Variants in HIVEP3 observed in about 807,000 individuals in gnomAD.
The protein encoded by HIVEP3 is HIVEP zinc finger 3.
A neutral mutation model predicts 152.8 loss-of-function variants in HIVEP3; 49 were observed. That is an observed-to-expected ratio of 0.32 (90% CI 0.26 to 0.41). The LOEUF is 0.41. HIVEP3 is among the 10% of genes least tolerant of loss of function. The pLI is 1.00. For synonymous variants in HIVEP3, 1,269 were observed against 1,289.0 expected (o/e 0.98, Z 0.33); for missense variants, 2,790 against 3,103.3 (o/e 0.90, Z 2.40).
chr1:41,978,037 T>A (rs1645270091), intron 1 of HIVEP3, among the ~76,000 whole-genome samples: 1 of 152,242 alleles, frequency 6.6e-6, no homozygotes, highest in African/African-American at 2.4e-5. Context: ...AGAAACTGTG[T>A]CTGCCAATAC....
chr1:42,032,657 C>G (rs572056302), intron 1 of HIVEP3, among the ~76,000 whole-genome samples: 115 of 152,254 alleles, frequency 7.6e-4, no homozygotes, highest in African/African-American at 2.6e-3. Context: ...CCCCCTCCCC[C>G]ACCATTCCCC....
intron 2 of HIVEP3, among the ~76,000 whole-genome samples, chr1:41,661,376 A>G (rs1455939180): frequency 6.6e-6 from 1 of 152,222 alleles, no homozygotes; most frequent in Admixed American, 6.5e-5. Flanking sequence ...CTGAAGCCCA[A>G]GCACCCTGCT....
At chr1:41,897,238 T>C (rs1361242994) in intron 1 of HIVEP3, among the ~76,000 whole-genome samples, 1 of 152,144 alleles carries the variant, frequency 6.6e-6, no homozygotes, top group Non-Finnish European at 1.5e-5. Context: ...TAAATTGGCC[T>C]AACAGGATTC....
chr1:41,827,897 T>G (rs1455111977), intron 1 of HIVEP3, among the ~76,000 whole-genome samples: 2 of 151,030 alleles, frequency 1.3e-5, no homozygotes, highest in Non-Finnish European at 3.0e-5. Context: ...AGAGAGTCAA[T>G]AGAGGAGGAC....
At chr1:41,850,637 G>T (rs1397813449) in intron 1 of HIVEP3, among the ~76,000 whole-genome samples, 1 of 152,150 alleles carries the variant, frequency 6.6e-6, no homozygotes, top group Non-Finnish European at 1.5e-5. Context: ...CCTCCATGCC[G>T]AAGCACTCAG....
chr1:41,559,111 G>A (rs1267635809), intron 5 of HIVEP3, among the ~76,000 whole-genome samples: 16 of 151,926 alleles, frequency 1.1e-4, no homozygotes, highest in Admixed American at 8.5e-4. Context: ...CCAAAATTCC[G>A]CTTGGAGCTT....
intron 1 of HIVEP3, among the ~76,000 whole-genome samples, chr1:41,813,142 G>A (rs1161478811): frequency 2.0e-5 from 3 of 152,132 alleles, no homozygotes; most frequent in African/African-American, 7.2e-5. Flanking sequence ...AAGTTCAAGC[G>A]ATTCTTCTGC....
intron 1 of HIVEP3, among the ~76,000 whole-genome samples, chr1:41,944,922 T>C (rs994405924): frequency 6.6e-6 from 1 of 152,136 alleles, no homozygotes; most frequent in Admixed American, 6.5e-5. Context: ...CCTCAGACGC[T>C]AAGAAAGAAA....
Position 41,703,686 on chromosome 1 carries a change from T to C in HIVEP3, c.-800-2691A>G, listed in dbSNP as rs143936636. On this transcript the variant is annotated intron_variant, in intron 1 of 8. Coordinates refer to ENST00000372583, the MANE Select transcript of HIVEP3 (RefSeq NM_024503.5). Reference sequence around the variant, plus strand: ...TGCACCTAGCATAAGACCCAACACATAAAAAATCCCTAATAAATATTTATT... The same window carrying C: ...TGCACCTAGCATAAGACCCAACACACAAAAAATCCCTAATAAATATTTATT... 2.9e-3 allele frequency among the ~76,000 whole-genome samples: 438 copies of C among 152,312 alleles called. 1 individual carries two copies. The highest frequency in any genetic ancestry group is 5.3e-3 in the Non-Finnish European group (358 of 68,028).
intron 1 of HIVEP3, among the ~76,000 whole-genome samples, chr1:41,929,591 C>T (rs1210334389): frequency 6.6e-6 from 1 of 151,728 alleles, no homozygotes; most frequent in African/African-American, 2.4e-5. Flanking sequence ...GATGTCAGTG[C>T]TTTTAGTGCT....
intron 1 of HIVEP3, among the ~76,000 whole-genome samples, chr1:41,868,899 A>G (rs1444620741): frequency 6.6e-6 from 1 of 152,270 alleles, no homozygotes; most frequent in Non-Finnish European, 1.5e-5. Context: ...CTAAAGCATA[A>G]TGACTGTGCA....
At chr1:41,861,910 G>A (rs190339369) in intron 1 of HIVEP3, among the ~76,000 whole-genome samples, 346 of 152,258 alleles carry the variant, frequency 2.3e-3, no homozygotes, top group Non-Finnish European at 3.8e-3. Flanking sequence ...GGCTGGCCAC[G>A]GTGTTGGCAA....
intron 1 of HIVEP3, among the ~76,000 whole-genome samples, chr1:41,843,156 A>G (rs1056836205): frequency 2.0e-5 from 3 of 152,286 alleles, no homozygotes; most frequent in Non-Finnish European, 4.4e-5. Flanking sequence ...GTACACAGCA[A>G]ATCCCCACAT....
chr1:41,775,993 C>T (rs1440874990), intron 1 of HIVEP3, among the ~76,000 whole-genome samples: 1 of 152,144 alleles, frequency 6.6e-6, no homozygotes, highest in Non-Finnish European at 1.5e-5. Context: ...TTTTATGTGT[C>T]CACTGTCAGT....
At chr1:41,785,264 G>A (rs1011243847) in intron 1 of HIVEP3, among the ~76,000 whole-genome samples, 43 of 152,090 alleles carry the variant, frequency 2.8e-4, no homozygotes, top group African/African-American at 1.0e-3. Context: ...TATGAGAAAA[G>A]TTGTTTTCAG....
chr1:41,762,189 C>T (rs1265220082), intron 1 of HIVEP3, among the ~76,000 whole-genome samples: 1 of 152,172 alleles, frequency 6.6e-6, no homozygotes, highest in Non-Finnish European at 1.5e-5. Flanking sequence ...GGGAGAGAGA[C>T]CACCCAACTT....
At chr1:41,879,840 T>C (rs1486590054) in intron 1 of HIVEP3, among the ~76,000 whole-genome samples, 1 of 152,170 alleles carries the variant, frequency 6.6e-6, no homozygotes, top group Non-Finnish European at 1.5e-5. Flanking sequence ...ATTAGGGAAG[T>C]CACAGCCTAG....
rs373331019 is a variant in HIVEP3 at position 41,873,048 on chromosome 1, C to T, written c.-801+45365G>A. Among the ~76,000 whole-genome samples the T allele has an allele frequency of 1.7e-4, 26 of 152,230 alleles. 1 individual carries two copies. Among genetic ancestry groups the T allele is most frequent in the Non-Finnish European group, 2.8e-4 (19 of 68,010 alleles). ...TGGATTTTATAAGGAAAAGAGGAAA[C>T]GAGACGAAAGAAAATGTAGTGCATC... On this transcript the variant is annotated intron_variant, in intron 1 of 8. Coordinates refer to ENST00000372583, the MANE Select transcript of HIVEP3 (RefSeq NM_024503.5). This position sits in a 1 kb window ranked among gnomAD's most constrained non-coding sequence, Gnocchi z 4.2.
intron 3 of HIVEP3, among the ~76,000 whole-genome samples, chr1:41,589,234 TGG>T (rs1246479769): frequency 6.6e-6 from 1 of 152,068 alleles, no homozygotes; most frequent in Admixed American, 6.5e-5. Context: ...CAGAAGAGGA[TGG>T]ACAGCCTCTA....
Sources: allele counts gnomAD v4.1 joint callset (sites outside exome capture counted in the v4.1 genomes callset), GRCh38; gene constraint gnomAD v4.1.1; non-coding constraint Gnocchi (gnomAD v3.1); transcripts MANE v1.5; gene names NCBI Gene and HGNC (gene_info 2026-07-23, HGNC 2026-07-21).